ARHGAP44: variants seen among roughly 807,000 people sequenced by gnomAD.
The protein encoded by ARHGAP44 is rho GTPase-activating protein 44.
In ARHGAP44, 43 loss-of-function variants were observed where a neutral mutation model predicts 106.8. The observed-to-expected ratio is 0.40, with a 90% CI of 0.32 to 0.52. ARHGAP44 has a LOEUF of 0.52. Ranked by LOEUF, ARHGAP44 falls within the 20% of genes least tolerant of loss-of-function variation. The pLI, the probability that ARHGAP44 is intolerant of heterozygous loss-of-function variation, is 0.48. For synonymous variants in ARHGAP44, 439 were observed against 410.3 expected (o/e 1.07, Z -0.85); for missense variants, 866 against 1,050.5 (o/e 0.82, Z 2.43).
chr17:12,901,303 G>T (rs1293748419), intron 3 of ARHGAP44, among the ~76,000 whole-genome samples: 3 of 152,106 alleles, frequency 2.0e-5, no homozygotes, highest in Non-Finnish European at 4.4e-5. Flanking sequence ...ACATGGGGCG[G>T]GACTGCAGAG....
At chr17:12,843,994 A>G (rs1315199541) in intron 1 of ARHGAP44, among the ~76,000 whole-genome samples, 1 of 152,056 alleles carries the variant, frequency 6.6e-6, no homozygotes, top group African/African-American at 2.4e-5. Context: ...ACTGAGCTCA[A>G]ACTCAAAACT....
intron 18 of ARHGAP44, among the ~76,000 whole-genome samples, chr17:12,978,845 C>T (rs992629310): frequency 3.3e-5 from 5 of 152,098 alleles, no homozygotes; most frequent in African/African-American, 9.7e-5. Context: ...CATGTCACCA[C>T]GCCCAGCTAA....
chr17:12,839,003 G>T (rs1026915685), intron 1 of ARHGAP44, among the ~76,000 whole-genome samples: 2 of 151,968 alleles, frequency 1.3e-5, no homozygotes, highest in East Asian at 3.9e-4. Flanking sequence ...CACTGTGCCC[G>T]GCCCAATTTT....
At chr17:12,918,700 C>T (rs1399405648) in intron 5 of ARHGAP44, among the ~76,000 whole-genome samples, 1 of 152,204 alleles carries the variant, frequency 6.6e-6, no homozygotes, top group African/African-American at 2.4e-5. Context: ...CCTCTCCACG[C>T]TCTTCCTCCT....
Position 12,958,988 on chromosome 17 carries a change from AGGCTGCACT to A in ARHGAP44, c.1523+93_1523+101del. On this transcript the variant is annotated intron_variant, in intron 16 of 20. Coordinates refer to ENST00000379672, the MANE Select transcript of ARHGAP44 (RefSeq NM_014859.6). The surrounding 1 kb of genome is among the most constrained non-coding windows in gnomAD (Gnocchi z 4.1). ...GCATAAGAAAAATACAATTACGGGA[AGGCTGCACT>A]GACTCTCAGCAGTTTAGGTGACTCG... The A allele has an allele frequency of 7.1e-7, 1 of 1,414,820 alleles. No individual in the cohort carries two copies. The highest frequency in any genetic ancestry group is 9.7e-7 in the Non-Finnish European group (1 of 1,031,836). The allele number at this position is 1,414,820 out of a possible 1,614,324, so 87.6% of individuals were successfully genotyped here.
At chr17:12,880,073 C>T (rs1011145862) in intron 1 of ARHGAP44, among the ~76,000 whole-genome samples, 1 of 151,922 alleles carries the variant, frequency 6.6e-6, no homozygotes, top group Non-Finnish European at 1.5e-5. Flanking sequence ...GTGTTGTGTG[C>T]ACATATATAT....
intron 1 of ARHGAP44, among the ~76,000 whole-genome samples, chr17:12,802,963 ATATATATTTTT>A (rs1311497894): frequency 3.2e-4 from 7 of 22,130 alleles, no homozygotes; most frequent in South Asian, 2.7e-3. Context: ...ATATATATAT[ATATATATTTTT>A]TTTTTTTTTT....
intron 3 of ARHGAP44, among the ~76,000 whole-genome samples, chr17:12,903,447 T>A (rs534307693): frequency 7.9e-5 from 12 of 152,244 alleles, no homozygotes; most frequent in African/African-American, 2.9e-4. Flanking sequence ...TTTGCTAAGA[T>A]CTTTTTACCT....
In ARHGAP44 at chr17:12,886,964, G is replaced by GTTT. The variant is rs769468845; in HGVS notation, c.54-7968_54-7966dup. Among the ~76,000 whole-genome samples, 70 of 108,974 alleles carry GTTT rather than the reference G, an allele frequency of 6.4e-4. 1 individual carries two copies. Among genetic ancestry groups the GTTT allele is most frequent in the African/African-American group, 2.2e-3 (57 of 25,426 alleles). The allele number at this position is 108,974 out of a possible 152,430, so 71.5% of individuals were successfully genotyped here. On this transcript the variant is annotated intron_variant, in intron 1 of 20. Coordinates refer to ENST00000379672, the MANE Select transcript of ARHGAP44 (RefSeq NM_014859.6). ...TCCCTCTACTCCTAGTTTTCTAAGA[G>GTTT]TTTTTTTTTTGTTTTTTTTTTTTAC...
At chr17:12,828,028 CAAAAAAA>C (rs60301804) in intron 1 of ARHGAP44, among the ~76,000 whole-genome samples, 2 of 73,924 alleles carry the variant, frequency 2.7e-5, no homozygotes, top group African/African-American at 4.4e-5. Flanking sequence ...CTGGCCATCT[CAAAAAAA>C]AAAAAAAAAA....
intron 6 of ARHGAP44, among the ~76,000 whole-genome samples, chr17:12,921,995 C>T (rs2038097719): frequency 6.6e-6 from 1 of 152,096 alleles, no homozygotes; most frequent in Admixed American, 6.6e-5. Context: ...AACCCTCAGT[C>T]CACCTGAATG....
intron 1 of ARHGAP44, among the ~76,000 whole-genome samples, chr17:12,866,605 A>G (rs902688838): frequency 2.0e-5 from 3 of 152,246 alleles, no homozygotes. Context: ...AGAGTTTATT[A>G]ACATGTGCAG....
chr17:12,915,011 A>G (rs769569821), intron 4 of ARHGAP44, among the ~76,000 whole-genome samples: 1 of 152,142 alleles, frequency 6.6e-6, no homozygotes, highest in Non-Finnish European at 1.5e-5. Context: ...CTCTGCTCAT[A>G]CGTTTGTTGA....
chr17:12,804,911 G>A (rs1406082920), intron 1 of ARHGAP44, among the ~76,000 whole-genome samples: 2 of 152,198 alleles, frequency 1.3e-5, no homozygotes, highest in East Asian at 3.9e-4. Context: ...GTGCAATTCA[G>A]ACATCCCCCC....
chr17:12,921,278 G>A (rs2038077495), intron 6 of ARHGAP44, among the ~76,000 whole-genome samples: 1 of 152,020 alleles, frequency 6.6e-6, no homozygotes, highest in African/African-American at 2.4e-5. Flanking sequence ...CGTTGGCCAG[G>A]CTGTTCACGA....
chr17:12,903,132 A>AGTGTGT (rs2037438272), intron 3 of ARHGAP44, among the ~76,000 whole-genome samples: 7 of 125,934 alleles, frequency 5.6e-5, no homozygotes, highest in African/African-American at 1.9e-4. Context: ...GAGAGGAGAG[A>AGTGTGT]GAGAGAGAGT....
At position 12,873,117 on chromosome 17, in the gene ARHGAP44, A is replaced by C. The variant is rs1196738867; in HGVS notation, c.54-21823A>C. 2.0e-5 allele frequency among the ~76,000 whole-genome samples: 3 copies of C among 150,058 alleles called. No homozygotes were observed. In the Admixed American group the frequency reaches 2.0e-4, roughly 10 times the overall value. ...CTTTTGGCGGCTGCTTTGCATCCCC[A>C]CATTAGAGTAACCATGCCATTTTTT... On this transcript the variant is annotated intron_variant, in intron 1 of 20. Transcript: ENST00000379672.
intron 1 of ARHGAP44, among the ~76,000 whole-genome samples, chr17:12,796,666 G>A (rs952099122): frequency 1.3e-5 from 2 of 151,090 alleles, no homozygotes; most frequent in South Asian, 4.2e-4. Context: ...GCATGATCTC[G>A]GCTTACTGCA....
In ARHGAP44 at chr17:12,989,942, C is replaced by A. The variant is rs988731300; in HGVS notation, c.2318-90C>A. ...TATCCCTAGAATAGCAGCACCCCTG[C>A]CTCCTAAGGCTGACATTATTTGCCT... On this transcript the variant is annotated intron_variant, in intron 20 of 20. Transcript: ENST00000379672. The A allele has an allele frequency of 3.9e-6, 6 of 1,531,412 alleles. No homozygotes were observed. In the African/African-American group the frequency reaches 8.2e-5, roughly 21 times the overall value. The allele number at this position is 1,531,412 out of a possible 1,614,324, so 94.9% of individuals were successfully genotyped here. A position where few individuals can be genotyped will look rare whatever the true frequency, so the allele number is the denominator to read the frequency against.
Sources: gnomAD v4.1 joint callset for allele counts (sites outside exome capture counted in the v4.1 genomes callset) on GRCh38, gnomAD v4.1.1 for gene constraint, Gnocchi (gnomAD v3.1) non-coding constraint, MANE v1.5 for transcripts, NCBI Gene and HGNC (gene_info 2026-07-23, HGNC 2026-07-21) for gene names.